RCC1L: variants seen among roughly 807,000 people sequenced by gnomAD.
RCC1L encodes the protein RCC1 like, also known as RCC1-like G exchanging factor-like protein.
A neutral mutation model predicts 58.6 loss-of-function variants in RCC1L; 46 were observed. That is an observed-to-expected ratio of 0.79 (90% CI 0.62 to 1.00). The LOEUF (loss-of-function observed/expected upper bound fraction) is 1.00. Ranked by LOEUF, RCC1L falls within the 50% of genes least tolerant of loss-of-function variation. RCC1L has a pLI of 0.00. For synonymous variants in RCC1L, 281 were observed against 262.9 expected, an observed-to-expected ratio of 1.07 and a Z score of -0.67; for missense variants, 636 against 623.6, an observed-to-expected ratio of 1.02 and a Z score of -0.21.
At position 75,056,002 on chromosome 7, in the gene RCC1L, G is replaced by C. The variant is rs782085050; in HGVS notation, c.1130C>G (p.Pro377Arg). The C allele has an allele frequency of 2.5e-6, 4 of 1,613,954 alleles. No individual in the cohort carries two copies. Among genetic ancestry groups the C allele is most frequent in the Non-Finnish European group, 3.4e-6 (4 of 1,179,856 alleles). ...AAAGAGAGTGGGTGGAATCATTTCA[G>C]GGACGGCACTTTCCACTAGGTTTGG... ...KGPNLVESAVPEMIPPTLFGL... is the reference protein window; with the variant it reads ...KGPNLVESAVREMIPPTLFGL... The change falls in exon 9 of 11, where the codon CCT becomes CGT. Residue 377 changes from proline to arginine, a missense_variant. By Grantham distance (103) the Pro-to-Arg change is moderately radical (BLOSUM62 -2). Transcript: ENST00000610322.
Position 75,053,801 on chromosome 7 carries a change from C to A in RCC1L, c.1232-1005G>T, listed in dbSNP as rs982579241. Among the ~76,000 whole-genome samples, 744 of 152,246 alleles carry A rather than the reference C, an allele frequency of 4.9e-3. 6 individuals are homozygous for A. The highest frequency in any genetic ancestry group is 0.017 in the African/African-American group (694 of 41,544). ...CATGGAAAAGCCAGGACTACAAGACCTGGGGCTGATGAAGTACGGAATAAT... is the reference window on the plus strand; with the variant it reads ...CATGGAAAAGCCAGGACTACAAGACATGGGGCTGATGAAGTACGGAATAAT... On this transcript the variant is annotated intron_variant, in intron 9 of 10. Transcript: ENST00000610322.
rs1285046334 is a variant in RCC1L, at chr7:75,052,708, T to C, written c.1317+3A>G. ...TTCTCAAGACCTCCCCGGCCAGCCT[T>C]ACCCTCCATGGGAAATACTGGTCCT... On this transcript the variant is annotated splice_donor_region_variant and intron_variant, in intron 10 of 10. Coordinates refer to ENST00000610322, the MANE Select transcript of RCC1L (RefSeq NM_030798.5). 4 of 1,609,968 alleles carry C rather than the reference T, an allele frequency of 2.5e-6. No homozygotes were observed. The highest frequency in any genetic ancestry group is 1.1e-5 in the South Asian group (1 of 89,708).
intron 10 of RCC1L, among the ~76,000 whole-genome samples, chr7:75,044,491 C>T (rs918959984): frequency 3.6e-5 from 5 of 140,694 alleles, no homozygotes; most frequent in African/African-American, 1.0e-4. Context: ...CCCAGCTACT[C>T]GGGAGGCTGA....
rs587719939 is a variant in RCC1L at position 75,066,568 on chromosome 7, C to T, written c.583+96G>A. On this transcript the variant is annotated intron_variant, in intron 3 of 10. Transcript: ENST00000610322. ...ACCACATTTCACTCATTAGATGTGG[C>T]TCAATCGATCAAGCCACTCAGGCCT... 9.8e-5 allele frequency: 152 copies of T among 1,557,578 alleles called. No homozygotes were observed. In the African/African-American group the frequency reaches 1.7e-3, roughly 18 times the overall value.
At chr7:75,072,151 T>TATACATATATATATATATATATAC (rs1806766242) in intron 1 of RCC1L, among the ~76,000 whole-genome samples, 1 of 54,410 alleles carries the variant, frequency 1.8e-5, no homozygotes, top group Non-Finnish European at 4.2e-5. Context: ...TACATATACA[T>TATACATATATATATATATATATAC]ATACATATAC....
intron 5 of RCC1L, among the ~76,000 whole-genome samples, chr7:75,062,729 A>G (rs1449266389): frequency 3.9e-5 from 6 of 152,188 alleles, no homozygotes; most frequent in African/African-American, 1.4e-4. Context: ...CTGACGTTAC[A>G]GGTGTGAGCC....
chr7:75,028,714 A>T (rs1346123003), intron 10 of RCC1L, among the ~76,000 whole-genome samples: 2 of 152,214 alleles, frequency 1.3e-5, no homozygotes, highest in East Asian at 3.9e-4. Context: ...AGATCTGGGC[A>T]TTGCTGACTC....
At chr7:75,057,407 G>T in intron 8 of RCC1L, 122 bp downstream of exon 8, 1 of 947,224 alleles carries the variant, frequency 1.1e-6, no homozygotes, top group Admixed American at 2.0e-5. Context: ...GTGAGCCACC[G>T]CGCCCAGCCA....
intron 10 of RCC1L, among the ~76,000 whole-genome samples, chr7:75,047,687 G>A (rs1004003973): frequency 1.3e-5 from 2 of 150,602 alleles, no homozygotes; most frequent in African/African-American, 2.4e-5. Context: ...TCACTCTGTC[G>A]CCCAGGCTGG....
chr7:75,071,408 G>A (rs1249534835), intron 1 of RCC1L, among the ~76,000 whole-genome samples: 3 of 152,122 alleles, frequency 2.0e-5, no homozygotes, highest in Non-Finnish European at 4.4e-5. Context: ...ACTTTGGGAG[G>A]CTGAGGCAGG....
chr7:75,061,685 C>T (rs1806283891), intron 5 of RCC1L, among the ~76,000 whole-genome samples: 1 of 152,130 alleles, frequency 6.6e-6, no homozygotes, highest in African/African-American at 2.4e-5. Flanking sequence ...GTGTCTCCTG[C>T]CCTCCTCTCT....
Position 75,061,228 on chromosome 7 carries a change from A to C in RCC1L, c.766T>G (p.Trp256Gly). ...TDKGEVYSCGWGADGQTGLGH... is the reference protein window; with the variant it reads ...TDKGEVYSCGGGADGQTGLGH... The stretch of plus-strand genomic sequence containing the variant: ...CTACCTGTTTGCCCATCAGCACCCC[A>C]TCCACAAGAATAGACTTCTCCTTTA... Residue 256 changes from tryptophan to glycine, a missense_variant, in exon 6 of 11, where the codon TGG (tryptophan) becomes GGG (glycine). Transcript: ENST00000610322. 6.2e-7 allele frequency: 1 copy of C among 1,613,798 alleles called. No homozygotes were observed. The highest frequency in any genetic ancestry group is 8.5e-7 in the Non-Finnish European group (1 of 1,179,802).
At chr7:75,054,674 T>C (rs1733973782) in intron 9 of RCC1L, among the ~76,000 whole-genome samples, 2 of 152,070 alleles carry the variant, frequency 1.3e-5, no homozygotes, top group African/African-American at 4.8e-5. Context: ...CCCAGCTACT[T>C]GGGAGGCTGA....
intron 6 of RCC1L, among the ~76,000 whole-genome samples, chr7:75,059,215 AAAAG>A (rs1491285608): frequency 6.6e-6 from 1 of 150,606 alleles, no homozygotes; most frequent in African/African-American, 2.4e-5. Flanking sequence ...AAAAAAAAAG[AAAAG>A]AAAGAAAGAA....
Position 75,058,791 on chromosome 7 carries a change from A to G in RCC1L, c.788-22T>C, listed in dbSNP as rs1047318880. 84 of 1,613,652 alleles carry G rather than the reference A, an allele frequency of 5.2e-5. No individual in the cohort carries two copies. In the African/African-American group the frequency reaches 1.1e-3, roughly 20 times the overall value. On this transcript the variant is annotated intron_variant, in intron 6 of 10. Coordinates refer to ENST00000610322, the MANE Select transcript of RCC1L (RefSeq NM_030798.5). Reference sequence around the variant, plus strand: ...AGACCTAACACAGTGGAAAATACAGATTTTTAATTATTCGCTCTTTTAACA... The same window carrying G: ...AGACCTAACACAGTGGAAAATACAGGTTTTTAATTATTCGCTCTTTTAACA...
intron 10 of RCC1L, among the ~76,000 whole-genome samples, chr7:75,048,856 T>C (rs1805825737): frequency 1.3e-5 from 2 of 152,204 alleles, no homozygotes; most frequent in East Asian, 1.9e-4. Flanking sequence ...GGAAAGACCA[T>C]TGTCTTAAAA....
intron 2 of RCC1L, 31 bp downstream of exon 2, chr7:75,070,609 G>A (rs373580798): frequency 1.3e-4 from 216 of 1,609,902 alleles, no homozygotes; most frequent in Middle Eastern, 3.3e-4. Flanking sequence ...GACCAATCCC[G>A]GCAAAGAGGA....
chr7:75,064,680 T>C (rs1806400111), intron 3 of RCC1L, 32 bp from the exon 4 acceptor site: 3 of 1,610,972 alleles, frequency 1.9e-6, no homozygotes, highest in Non-Finnish European at 2.5e-6. Context: ...AAATCAGTTC[T>C]GCAGGTTTGT....
Position 75,028,606 on chromosome 7 carries a change from C to T in RCC1L, c.1318-527G>A, listed in dbSNP as rs1805208528. ...GGATGGGGAGGAACAGAGCAGTGAC[C>T]ACCCCTCCCTGCCACTGATAAGTTC... On this transcript the variant is annotated intron_variant, in intron 10 of 10. Coordinates refer to the RCC1L transcript ENST00000614461. Among the ~76,000 whole-genome samples, 3 of 152,252 alleles carry T rather than the reference C, an allele frequency of 2.0e-5. No individual in the cohort carries two copies. The South Asian group carries it at 6.2e-4, about 32-fold the overall frequency.
Sources: gnomAD v4.1 joint callset for allele counts (sites outside exome capture counted in the v4.1 genomes callset) on GRCh38, gnomAD v4.1.1 for gene constraint, MANE v1.5 for transcripts, NCBI Gene and HGNC (gene_info 2026-07-23, HGNC 2026-07-21) for gene names.